The following EXOSC7 variants were observed in gnomAD, a reference collection of about 807,000 sequenced individuals.
EXOSC7 encodes exosome complex component RRP42.
EXOSC7 carries 25 observed loss-of-function variants against 34.3 expected under a neutral mutation model. That is an observed-to-expected ratio of 0.73 (90% confidence interval 0.53 to 1.02). EXOSC7 has a LOEUF of 1.02. EXOSC7 is among the 50% of genes least tolerant of loss of function. EXOSC7 has a pLI of 0.00. For missense variants in EXOSC7, 370 were observed against 368.5 expected, an observed-to-expected ratio of 1.00 and a Z score of -0.03; for synonymous variants, 130 against 143.0, an observed-to-expected ratio of 0.91 and a Z score of 0.65.
At chr3:44,986,139 C>T (rs1315045423) in intron 1 of EXOSC7, among the ~76,000 whole-genome samples, 4 of 138,200 alleles carry the variant, frequency 2.9e-5, no homozygotes, top group African/African-American at 8.0e-5. Context: ...CTTGGGTGGT[C>T]GATGGGACTG....
intron 5 of EXOSC7, chr3:45,002,209 A>G (rs899354402): frequency 3.9e-5 from 6 of 152,244 alleles, no homozygotes; most frequent in African/African-American, 1.4e-4. Flanking sequence ...TCCCCCTTTT[A>G]TGCTCCAAGT....
chr3:44,983,193 A>G (rs1706317877), intron 1 of EXOSC7, among the ~76,000 whole-genome samples: 1 of 152,166 alleles, frequency 6.6e-6, no homozygotes, highest in Non-Finnish European at 1.5e-5. Context: ...CTGTGCTTAA[A>G]TGTCCTTCCA....
intron 1 of EXOSC7, among the ~76,000 whole-genome samples, chr3:44,987,690 T>C (rs977708436): frequency 6.6e-6 from 1 of 152,258 alleles, no homozygotes; most frequent in African/African-American, 2.4e-5. Flanking sequence ...ACTCTGAGGC[T>C]AAAGACAGAA....
chr3:45,005,554 A>G, intron 6 of EXOSC7, 140 bp downstream of exon 6: 1 of 752,906 alleles, frequency 1.3e-6, no homozygotes, highest in Admixed American at 2.9e-5. Flanking sequence ...AAATCCAATA[A>G]TTTGGTTATA....
chr3:44,985,261 T>C (rs753083221), intron 1 of EXOSC7, among the ~76,000 whole-genome samples: 2 of 152,186 alleles, frequency 1.3e-5, no homozygotes, highest in African/African-American at 4.8e-5. Flanking sequence ...AAAGGCTTAC[T>C]CTCTTAGACT....
At chr3:44,998,531 G>GT (rs1706790352) in intron 4 of EXOSC7, among the ~76,000 whole-genome samples, 1 of 152,198 alleles carries the variant, frequency 6.6e-6, no homozygotes, top group African/African-American at 2.4e-5. Context: ...TTTAATGAAT[G>GT]TGCAGATAAA....
At chr3:44,985,786 C>T (rs1344443197) in intron 1 of EXOSC7, among the ~76,000 whole-genome samples, 3 of 152,144 alleles carry the variant, frequency 2.0e-5, no homozygotes, top group Non-Finnish European at 2.9e-5. Flanking sequence ...CTGGCCCCAC[C>T]CACATTCTGC....
intron 3 of EXOSC7, among the ~76,000 whole-genome samples, chr3:44,991,232 T>C (rs1706563387): frequency 6.6e-6 from 1 of 152,134 alleles, no homozygotes; most frequent in Non-Finnish European, 1.5e-5. Context: ...CCCATTCCTG[T>C]CCCCTACTCT....
Position 44,989,191 on chromosome 3 carries a change from G to C in EXOSC7, c.109G>C (p.Val37Leu). The change falls in exon 2 of 8, where the codon GTG becomes CTG. Residue 37 changes from valine (V) to leucine (L), a missense_variant. This residue lies in a region of EXOSC7 where 95 missense variants were observed against 79.8 expected (regional missense o/e 1.19). Coordinates refer to ENST00000265564, the MANE Select transcript of EXOSC7 (RefSeq NM_015004.4). ...RGCEDYRCVE[V>L]ETDVVSNTSG... ...CTGTGAGGACTACCGATGTGTCGAA[G>C]TGGAAACTGATGTGGTGTCCAACAC... 6.2e-7 allele frequency: 1 copy of C among 1,614,212 alleles called. No individual in the cohort carries two copies. Among genetic ancestry groups the C allele is most frequent in the Non-Finnish European group, 8.5e-7 (1 of 1,180,032 alleles).
Position 45,005,292 on chromosome 3 carries a change from A to T in EXOSC7, c.493A>T (p.Ile165Leu), listed in dbSNP as rs765839202. 1 of 1,614,108 alleles carries T rather than the reference A, an allele frequency of 6.2e-7. No individual in the cohort carries two copies. The part of the protein sequence containing the change: ...AVKAALFNTR[I>L]PRVRVLEDEE... ...TTTTACTAGTGCTTCTGCTTCCAGGATACCAAGGGTTCGAGTTTTGGAGGA... is the reference window on the plus strand; with the variant it reads ...TTTTACTAGTGCTTCTGCTTCCAGGTTACCAAGGGTTCGAGTTTTGGAGGA... Residue 165 changes from isoleucine to leucine, a missense_variant and splice_region_variant, in exon 6 of 8, where the codon ATA becomes TTA. Transcript: ENST00000265564.
At chr3:44,986,111 C>T (rs948450483) in intron 1 of EXOSC7, among the ~76,000 whole-genome samples, 1 of 152,108 alleles carries the variant, frequency 6.6e-6, no homozygotes, top group Non-Finnish European at 1.5e-5. Context: ...CCCTGCCATG[C>T]ACCCGCATTC....
intron 1 of EXOSC7, among the ~76,000 whole-genome samples, chr3:44,986,614 G>A (rs528485107): frequency 9.2e-5 from 14 of 152,384 alleles, no homozygotes; most frequent in East Asian, 1.9e-4. Context: ...AGGAGGTGCC[G>A]AGAGCAAGCG....
At chr3:44,989,364 C>A in intron 2 of EXOSC7, 123 bp downstream of exon 2, 1 of 884,254 alleles carries the variant, frequency 1.1e-6, no homozygotes, top group Non-Finnish European at 1.8e-6. Context: ...AGATCCGAGC[C>A]AAACTCAGGG....
chr3:44,987,295 G>A (rs1706448481), intron 1 of EXOSC7, among the ~76,000 whole-genome samples: 1 of 152,214 alleles, frequency 6.6e-6, no homozygotes, highest in Non-Finnish European at 1.5e-5. Context: ...ACATTTCTCT[G>A]AGCATACTTT....
At position 44,997,158 on chromosome 3, in the gene EXOSC7, T is replaced by A. The variant is rs201815178; in HGVS notation, c.326T>A (p.Leu109His). The A allele has an allele frequency of 6.2e-6, 10 of 1,614,134 alleles. No individual in the cohort carries two copies. Among genetic ancestry groups the A allele is most frequent in the Middle Eastern group, 1.6e-4 (1 of 6,062 alleles). ...CTTGGCACCGAGATCGCTAACACCC[T>A]CTATCGGATATTTAACAATAAAAGC... Reference protein sequence around the residue: ...DDLGTEIANTLYRIFNNKSSV... With the variant: ...DDLGTEIANTHYRIFNNKSSV... The change falls in exon 4 of 8, where the codon CTC becomes CAC. Residue 109 changes from leucine to histidine, a missense_variant. By Grantham distance (99) the Leu-to-His change is moderately conservative (BLOSUM62 -3). Around this residue, in one of 3 missense-constraint regions of EXOSC7, gnomAD observed 255 missense variants for 246.4 expected, o/e 1.03. Coordinates refer to ENST00000265564, the MANE Select transcript of EXOSC7 (RefSeq NM_015004.4).
At position 45,011,360 on chromosome 3, in the gene EXOSC7, C is replaced by T. The variant is rs766998385; in HGVS notation, c.*21C>T. On this transcript the variant is annotated 3_prime_UTR_variant, in exon 8 of 8. Coordinates refer to ENST00000265564, the MANE Select transcript of EXOSC7 (RefSeq NM_015004.4). Reference sequence around the variant, plus strand: ...GATGATTTGCACATCAACTGCTCAACTGTGGATTGTTTTTTACTTTTCCTT... The same window carrying T: ...GATGATTTGCACATCAACTGCTCAATTGTGGATTGTTTTTTACTTTTCCTT... 11 of 1,459,978 alleles carry T rather than the reference C, an allele frequency of 7.5e-6. No homozygotes were observed. The South Asian group carries it at 1.1e-4, about 14-fold the overall frequency. 90.4% of individuals were successfully genotyped at this position (1,459,978 alleles called of 1,614,324 possible). A position where few individuals can be genotyped will look rare whatever the true frequency, so the allele number is the denominator to read the frequency against.
At chr3:44,985,567 C>T (rs532967458) in intron 1 of EXOSC7, among the ~76,000 whole-genome samples, 6 of 148,390 alleles carry the variant, frequency 4.0e-5, no homozygotes, top group African/African-American at 7.5e-5. Context: ...TCATTCCTCC[C>T]GAGGTGGGTT....
downstream of EXOSC7, among the ~76,000 whole-genome samples, chr3:45,011,788 G>A (rs1214011766): frequency 1.3e-5 from 2 of 152,188 alleles, no homozygotes; most frequent in Non-Finnish European, 2.9e-5. Context: ...CACCCAGGGC[G>A]TCTGTCTGTC....
chr3:44,985,919 G>A (rs975677994), intron 1 of EXOSC7, among the ~76,000 whole-genome samples: 1 of 152,142 alleles, frequency 6.6e-6, no homozygotes, highest in Non-Finnish European at 1.5e-5. Context: ...TAGATACAGA[G>A]TGTAGACACA....
Sources: allele counts gnomAD v4.1 joint callset (sites outside exome capture counted in the v4.1 genomes callset), GRCh38; gene constraint gnomAD v4.1.1; regional missense constraint gnomAD v4.1.1; transcripts MANE v1.5; gene names NCBI Gene and HGNC (gene_info 2026-07-23, HGNC 2026-07-21).